Variants in NOL4 observed in about 807,000 individuals in gnomAD.
NOL4 encodes the protein nucleolar protein 4.
A neutral mutation model predicts 75.9 loss-of-function variants in NOL4; 17 were observed. The ratio of observed to expected loss-of-function variants is 0.22; its 90% CI spans 0.15 to 0.34. NOL4 has a LOEUF of 0.34. Among genes scored for constraint, NOL4 ranks in the 10% least tolerant of loss-of-function variants. The pLI, the probability that NOL4 is intolerant of heterozygous loss-of-function variation, is 1.00. For missense variants in NOL4, 614 were observed against 793.5 expected, an observed-to-expected ratio of 0.77 and a Z score of 2.72; for synonymous variants, 292 against 289.9, an observed-to-expected ratio of 1.01 and a Z score of -0.07.
chr18:33,914,232 G>A (rs950879775), intron 9 of NOL4, among the ~76,000 whole-genome samples: 1 of 152,024 alleles, frequency 6.6e-6, no homozygotes, highest in Non-Finnish European at 1.5e-5. Context: ...AAGCAAAGGA[G>A]CAAGCCACGT....
At chr18:33,997,024 C>A (rs539976825) in intron 6 of NOL4, among the ~76,000 whole-genome samples, 262 of 151,924 alleles carry the variant, frequency 1.7e-3, no homozygotes, top group Middle Eastern at 6.8e-3. Flanking sequence ...GCATAATTCG[C>A]AAATATATTT....
intron 9 of NOL4, among the ~76,000 whole-genome samples, chr18:33,938,657 T>A (rs541349823): frequency 6.6e-6 from 1 of 152,294 alleles, no homozygotes; most frequent in African/African-American, 2.4e-5. Flanking sequence ...TTTAAGTTCC[T>A]TGTAGATTCT....
intron 1 of NOL4, among the ~76,000 whole-genome samples, chr18:34,153,141 T>C (rs969592949): frequency 6.6e-6 from 1 of 151,928 alleles, no homozygotes; most frequent in Admixed American, 6.6e-5. Context: ...ATTTTCGTTA[T>C]ATTTTTCATA....
chr18:34,012,294 G>A (rs968759776), intron 6 of NOL4, among the ~76,000 whole-genome samples: 1 of 151,908 alleles, frequency 6.6e-6, no homozygotes, highest in Middle Eastern at 3.4e-3. Flanking sequence ...CCCTAGTAAT[G>A]TGGGTATTTA....
Position 34,164,395 on chromosome 18 carries a change from G to GA in NOL4, c.265-34376dup, listed in dbSNP as rs1055718361. The stretch of plus-strand genomic sequence containing the variant: ...ATAATGAACTCAAACAAATTTACAA[G>GA]AAAAAAAACAAACAATCCCATCAAA... On this transcript the variant is annotated intron_variant, in intron 1 of 10. Transcript: ENST00000261592. Among the ~76,000 whole-genome samples the GA allele has an allele frequency of 6.6e-5, 10 of 151,572 alleles. No homozygotes were observed. In the East Asian group the frequency reaches 7.8e-4, roughly 12 times the overall value.
chr18:34,021,466 GA>G (rs956208015), intron 5 of NOL4, among the ~76,000 whole-genome samples: 3 of 151,712 alleles, frequency 2.0e-5, no homozygotes, highest in African/African-American at 7.3e-5. Flanking sequence ...ATAAACAGAA[GA>G]AAAAAAGAGA....
chr18:34,139,442 T>C (rs1400976925), intron 1 of NOL4, among the ~76,000 whole-genome samples: 6 of 152,232 alleles, frequency 3.9e-5, no homozygotes, highest in Non-Finnish European at 8.8e-5. Context: ...CTATTTCTTC[T>C]AGATTTTCTA....
chr18:33,943,180 T>TA lies in NOL4; in HGVS notation c.1429-3dup, dbSNP rs530792420. 62,437 of 1,196,904 alleles carry TA rather than the reference T, an allele frequency of 0.052. 117 individuals are homozygous for TA. Among genetic ancestry groups the TA allele is most frequent in the Non-Finnish European group, 0.055 (48,566 of 877,826 alleles). The allele number at this position is 1,196,904 out of a possible 1,614,324, so 74.1% of individuals were successfully genotyped here. A position where few individuals can be genotyped will look rare whatever the true frequency, so the allele number is the denominator to read the frequency against. On this transcript the variant is annotated splice_region_variant and splice_polypyrimidine_tract_variant and intron_variant, in intron 8 of 10. Coordinates refer to ENST00000261592, the MANE Select transcript of NOL4 (RefSeq NM_003787.5). ...AAGGTGGGAAGGAATAGGTCGAGAC[T>TA]AAAAAAAAAAAGAGAAAAGTATGAA...
At chr18:33,935,361 C>A (rs2067988314) in intron 9 of NOL4, among the ~76,000 whole-genome samples, 1 of 152,084 alleles carries the variant, frequency 6.6e-6, no homozygotes, top group Admixed American at 6.6e-5. Flanking sequence ...TAGAAGCCAT[C>A]ATAGCATTAT....
intron 2 of NOL4, among the ~76,000 whole-genome samples, chr18:34,122,472 A>C (rs1013961891): frequency 6.6e-6 from 1 of 152,166 alleles, no homozygotes; most frequent in Non-Finnish European, 1.5e-5. Flanking sequence ...CTGTTACCCC[A>C]AAAACAACTC....
chr18:33,974,609 C>T (rs2071347966), intron 6 of NOL4, among the ~76,000 whole-genome samples: 2 of 152,028 alleles, frequency 1.3e-5, no homozygotes, highest in South Asian at 4.2e-4. Flanking sequence ...GATCATAGAT[C>T]ACAGTAACAG....
chr18:34,222,198 T>C, intron 1 of NOL4: 1 of 1,451,722 alleles, frequency 6.9e-7, no homozygotes, highest in South Asian at 1.4e-5. Flanking sequence ...GCGCCTGGGC[T>C]AGAGCTTTGT....
intron 5 of NOL4, among the ~76,000 whole-genome samples, chr18:34,065,283 C>A (rs774632819): frequency 6.6e-6 from 1 of 151,854 alleles, no homozygotes; most frequent in Non-Finnish European, 1.5e-5. Context: ...CCCTTTGACA[C>A]TTAATATTTA....
intron 5 of NOL4, among the ~76,000 whole-genome samples, chr18:34,082,387 A>G (rs1346725708): frequency 6.6e-6 from 1 of 152,018 alleles, no homozygotes; most frequent in Non-Finnish European, 1.5e-5. Flanking sequence ...AAAAGTGTCC[A>G]CCTCAAATGG....
intron 6 of NOL4, among the ~76,000 whole-genome samples, chr18:33,978,132 C>T (rs977276671): frequency 1.5e-4 from 23 of 152,086 alleles, no homozygotes; most frequent in African/African-American, 4.3e-4. Flanking sequence ...ACCAGTTGGC[C>T]GCTATCTGCC....
intron 1 of NOL4, among the ~76,000 whole-genome samples, chr18:34,196,621 C>T (rs1454121588): frequency 6.6e-6 from 1 of 152,086 alleles, no homozygotes; most frequent in Non-Finnish European, 1.5e-5. Flanking sequence ...ACTTTGTTAA[C>T]TGCAAAACAT....
At chr18:33,915,482 T>A (rs2066660341) in intron 9 of NOL4, among the ~76,000 whole-genome samples, 1 of 151,932 alleles carries the variant, frequency 6.6e-6, no homozygotes, top group African/African-American at 2.4e-5. Flanking sequence ...AAGAATCCAG[T>A]GTAAAGGGGA....
intron 5 of NOL4, among the ~76,000 whole-genome samples, chr18:34,056,462 A>T (rs1158343872): frequency 6.6e-6 from 1 of 152,040 alleles, no homozygotes; most frequent in East Asian, 1.9e-4. Flanking sequence ...TGCCTGTAGA[A>T]CTACAGAATC....
chr18:33,897,243 G>C (rs1055055901), intron 9 of NOL4, among the ~76,000 whole-genome samples: 1 of 152,136 alleles, frequency 6.6e-6, no homozygotes, highest in Non-Finnish European at 1.5e-5. Context: ...ACTACCATTT[G>C]ACCCAGCAAT....
Sources: allele counts gnomAD v4.1 joint callset (sites outside exome capture counted in the v4.1 genomes callset), GRCh38; gene constraint gnomAD v4.1.1; transcripts MANE v1.5; gene names NCBI Gene and HGNC (gene_info 2026-07-23, HGNC 2026-07-21).